Variants in CRYBG1 observed in about 807,000 individuals in gnomAD.
CRYBG1 encodes beta/gamma crystallin domain-containing protein 1.
Under a neutral mutation model 189.2 loss-of-function variants are expected in CRYBG1, and 139 were observed. The ratio of observed to expected loss-of-function variants is 0.73; its 90% confidence interval spans 0.64 to 0.85. The LOEUF (loss-of-function observed/expected upper bound fraction) is 0.85, where lower values mean the gene tolerates loss of function less well. CRYBG1 is among the 40% of genes least tolerant of loss of function. The probability of loss-of-function intolerance (pLI) is 0.00; values close to 1 mark genes in which losing one functional copy is unlikely to be tolerated. For missense variants in CRYBG1, 2,611 were observed against 2,675.8 expected, an observed-to-expected ratio of 0.98 and a Z score of 0.53; for synonymous variants, 1,023 against 1,017.1, an observed-to-expected ratio of 1.01 and a Z score of -0.11.
intron 2 of CRYBG1, among the ~76,000 whole-genome samples, chr6:106,453,061 G>T (rs972110767): frequency 6.6e-6 from 1 of 152,210 alleles, no homozygotes; most frequent in African/African-American, 2.4e-5. Context: ...GATAGAAAGA[G>T]TTCTGGAGAT....
At chr6:106,517,341 TACAC>T (rs200196517) in intron 3 of CRYBG1, among the ~76,000 whole-genome samples, 29,626 of 140,846 alleles carry the variant, frequency 0.21, 3,775 homozygotes, top group South Asian at 0.35. Flanking sequence ...CATATATATA[TACAC>T]ACACATATAT....
chr6:106,434,328 A>T (rs1383143871), intron 1 of CRYBG1, among the ~76,000 whole-genome samples: 1 of 152,170 alleles, frequency 6.6e-6, no homozygotes, highest in African/African-American at 2.4e-5. Context: ...GTTTTGGAGG[A>T]TAGCTACAAC....
chr6:106,432,900 C>T (rs1170924865), intron 1 of CRYBG1, among the ~76,000 whole-genome samples: 7 of 139,554 alleles, frequency 5.0e-5, no homozygotes, highest in African/African-American at 8.0e-5. Flanking sequence ...AGTGCAGTGA[C>T]GCCATCTCGG....
At chr6:106,362,313 A>C (rs1030996138) in intron 1 of CRYBG1, among the ~76,000 whole-genome samples, 1 of 152,130 alleles carries the variant, frequency 6.6e-6, no homozygotes, top group Non-Finnish European at 1.5e-5. Context: ...ATCTATTTTC[A>C]TTCACTTATT....
intron 7 of CRYBG1, among the ~76,000 whole-genome samples, chr6:106,527,705 AT>A (rs1773774579): frequency 6.6e-6 from 1 of 152,206 alleles, no homozygotes; most frequent in African/African-American, 2.4e-5. Flanking sequence ...CTGTCCTTCT[AT>A]TCCCATCTTC....
intron 4 of CRYBG1, among the ~76,000 whole-genome samples, chr6:106,523,215 C>T (rs1249505221): frequency 6.6e-6 from 1 of 152,128 alleles, no homozygotes; most frequent in East Asian, 1.9e-4. Context: ...CCCGCAGTGG[C>T]CTCTGAACCA....
At chr6:106,407,886 A>T (rs945163804) in intron 1 of CRYBG1, among the ~76,000 whole-genome samples, 3 of 152,238 alleles carry the variant, frequency 2.0e-5, no homozygotes, top group Non-Finnish European at 4.4e-5. Context: ...GTCAAGAGGG[A>T]AATTTATAGC....
intron 1 of CRYBG1, among the ~76,000 whole-genome samples, chr6:106,376,098 A>G (rs1021041884): frequency 2.6e-5 from 4 of 152,210 alleles, no homozygotes; most frequent in African/African-American, 9.6e-5. Flanking sequence ...TGCTATAGTT[A>G]TAATAATTCA....
chr6:106,382,662 G>T (rs1001758715), intron 1 of CRYBG1, among the ~76,000 whole-genome samples: 5 of 152,072 alleles, frequency 3.3e-5, no homozygotes, highest in African/African-American at 1.2e-4. Flanking sequence ...CAATGGAAAA[G>T]AATGTAATCT....
At chr6:106,439,273 T>A (rs1054742365) in intron 1 of CRYBG1, among the ~76,000 whole-genome samples, 1 of 152,166 alleles carries the variant, frequency 6.6e-6, no homozygotes, top group African/African-American at 2.4e-5. Flanking sequence ...AAAATTTTAA[T>A]AAAATTTAAT....
At chr6:106,539,703 TA>T (rs11366105) in intron 9 of CRYBG1, among the ~76,000 whole-genome samples, 174 bp downstream of exon 9, 36,820 of 142,822 alleles carry the variant, frequency 0.26, 4,990 homozygotes, top group South Asian at 0.36. Context: ...TGCTATAGAT[TA>T]AAAAAAAAAA....
At chr6:106,436,295 CTTTTTTTT>C (rs56333625) in intron 1 of CRYBG1, among the ~76,000 whole-genome samples, 149 of 139,658 alleles carry the variant, frequency 1.1e-3, no homozygotes, top group Middle Eastern at 7.4e-3. Flanking sequence ...CATGCAATCT[CTTTTTTTT>C]TTTTTTTTTT....
chr6:106,484,109 C>T (rs1772543239), intron 2 of CRYBG1, among the ~76,000 whole-genome samples: 1 of 152,096 alleles, frequency 6.6e-6, no homozygotes, highest in Non-Finnish European at 1.5e-5. Flanking sequence ...GAGACTTTTT[C>T]CAAATGTGTG....
At chr6:106,397,820 G>C (rs534753824) in intron 1 of CRYBG1, among the ~76,000 whole-genome samples, 1 of 152,152 alleles carries the variant, frequency 6.6e-6, no homozygotes, top group Non-Finnish European at 1.5e-5. Flanking sequence ...CCTATTCCCT[G>C]TACGCTTCCA....
In CRYBG1 at chr6:106,512,602, G is replaced by A; in HGVS notation, c.1485G>A (p.Gln495=). 3 of 1,603,322 alleles carry A rather than the reference G, an allele frequency of 1.9e-6. No homozygotes were observed. The South Asian group carries it at 3.3e-5, about 18-fold the overall frequency. The change falls in exon 3 of 22, where the codon CAG becomes CAA. Residue 495 remains glutamine, a synonymous_variant. Coordinates refer to ENST00000633556, the MANE Select transcript of CRYBG1 (RefSeq NM_001371242.2). ...AGCCCAGCCCCGGTACCAAAGGGCA[G>A]CTCCGAGGGGAGTCGGACCGGAGCA... ...ESKPSPGTKG[Q]LRGESDRSKQ...
At chr6:106,535,056 G>T (rs9480681) in intron 8 of CRYBG1, among the ~76,000 whole-genome samples, 44,962 of 151,986 alleles carry the variant, frequency 0.3, 6,953 homozygotes, top group South Asian at 0.37. Context: ...TTGATCATTT[G>T]TACTGTGTAA....
At chr6:106,540,777 C>A (rs925125139) in intron 9 of CRYBG1, among the ~76,000 whole-genome samples, 2 of 151,272 alleles carry the variant, frequency 1.3e-5, no homozygotes, top group Non-Finnish European at 2.9e-5. Context: ...CTTTGAGCAT[C>A]CTTGGTGGTA....
At chr6:106,544,466 G>A in intron 11 of CRYBG1, 105 bp from the exon 12 acceptor site, 1 of 1,325,598 alleles carries the variant, frequency 7.5e-7, no homozygotes, top group Non-Finnish European at 1.0e-6. Context: ...AGAAGGTCAT[G>A]TCTAGCTTTA....
Position 106,527,392 on chromosome 6 carries a change from A to G in CRYBG1, c.4500A>G (p.Ile1500Met), listed in dbSNP as rs1189467167. 20 of 1,613,852 alleles carry G rather than the reference A, an allele frequency of 1.2e-5. No individual in the cohort carries two copies. Among genetic ancestry groups the G allele is most frequent in the Non-Finnish European group, 1.5e-5 (18 of 1,179,884 alleles). ...GELELSGLWG[I>M]EDILERHEEA... ...TGGAACTCTCTGGTCTCTGGGGTAT[A>G]GAAGACATTTTGGAAAGGCACGAAG... The change falls in exon 7 of 22, where the codon ATA becomes ATG. Residue 1500 changes from isoleucine (I) to methionine (M), a missense_variant. Physicochemically the swap from Ile to Met is conservative, Grantham distance 10. Coordinates refer to ENST00000633556, the MANE Select transcript of CRYBG1 (RefSeq NM_001371242.2).
Sources: gnomAD v4.1 joint callset for allele counts (sites outside exome capture counted in the v4.1 genomes callset) on GRCh38, gnomAD v4.1.1 for gene constraint, MANE v1.5 for transcripts, NCBI Gene and HGNC (gene_info 2026-07-23, HGNC 2026-07-21) for gene names.